Variants in EHMT1 observed in about 807,000 individuals in gnomAD.
EHMT1 encodes the protein euchromatic histone lysine methyltransferase 1.
Under a neutral mutation model 147.2 loss-of-function variants are expected in EHMT1, and 15 were observed. The ratio of observed to expected loss-of-function variants is 0.10; its 90% CI spans 0.07 to 0.16. The LOEUF is 0.16. EHMT1 is among the 10% of genes least tolerant of loss of function. EHMT1 has a pLI of 1.00. For synonymous variants in EHMT1, 795 were observed against 709.6 expected, an observed-to-expected ratio of 1.12 and a Z score of -1.91; for missense variants, 1,587 against 1,772.4, an observed-to-expected ratio of 0.90 and a Z score of 1.88.
intron 18 of EHMT1, among the ~76,000 whole-genome samples, chr9:137,805,227 G>A: frequency 6.6e-6 from 1 of 152,086 alleles, no homozygotes; most frequent in East Asian, 1.9e-4. Context: ...AGTCGTCCAT[G>A]TGTCAGTCCA....
chr9:137,683,678 T>C (rs1036945705), intron 1 of EHMT1, among the ~76,000 whole-genome samples: 5 of 152,256 alleles, frequency 3.3e-5, no homozygotes, highest in Non-Finnish European at 5.9e-5. Flanking sequence ...GTGTAAATTA[T>C]ACCTTTATCA....
chr9:137,665,185 A>G (rs1939497966), intron 1 of EHMT1, among the ~76,000 whole-genome samples: 1 of 152,238 alleles, frequency 6.6e-6, no homozygotes, highest in Admixed American at 6.5e-5. Context: ...ATTTTAAAAA[A>G]TATTCCCTAT....
rs1310202346 is a variant in EHMT1, at chr9:137,813,874, C to T, written c.3180+344C>T. 2.0e-5 allele frequency among the ~76,000 whole-genome samples: 3 copies of T among 152,170 alleles called. No individual in the cohort carries two copies. The highest frequency in any genetic ancestry group is 2.1e-4 in the South Asian group (1 of 4,828). On this transcript the variant is annotated intron_variant, in intron 21 of 26. Coordinates refer to ENST00000460843, the MANE Select transcript of EHMT1 (RefSeq NM_024757.5). The surrounding 1 kb of genome is among the most constrained non-coding windows in gnomAD (Gnocchi z 4.9). ...GCGAGAGGAGCCCTTGCGAGGCCTG[C>T]AGGACGACCTGGATCCCTGCACCTC...
At chr9:137,817,725 C>T (rs2132798798) in intron 24 of EHMT1, 200 bp downstream of exon 24, 6 of 687,772 alleles carry the variant, frequency 8.7e-6, no homozygotes, top group Non-Finnish European at 1.5e-5. Flanking sequence ...CGTAACCAGC[C>T]CAGGAGTGCA....
In EHMT1 at chr9:137,835,907, G is replaced by A. The variant is rs1196064484; in HGVS notation, c.*954G>A. On this transcript the variant is annotated 3_prime_UTR_variant, in exon 27 of 27. Coordinates refer to ENST00000460843, the MANE Select transcript of EHMT1 (RefSeq NM_024757.5). ...TCACCTTTTGTGTGGTGGCCTGGCA[G>A]GTCATATACTTTTTTTTGGCATATA... 1 of 152,540 alleles carries A rather than the reference G, an allele frequency of 6.6e-6. No individual in the cohort carries two copies. Among genetic ancestry groups the A allele is most frequent in the African/African-American group, 2.4e-5 (1 of 41,438 alleles). The allele number at this position is 152,540 out of a possible 1,614,324, so 9.4% of individuals were successfully genotyped here.
intron 16 of EHMT1, among the ~76,000 whole-genome samples, chr9:137,795,608 G>A (rs1952876129): frequency 6.6e-6 from 1 of 152,116 alleles, no homozygotes. Flanking sequence ...CAGTGGCCCC[G>A]GCTGGGAGTG....
intron 25 of EHMT1, among the ~76,000 whole-genome samples, chr9:137,818,494 C>T (rs921957571): frequency 2.6e-5 from 4 of 152,070 alleles, no homozygotes; most frequent in African/African-American, 9.7e-5. Flanking sequence ...CGCCGTGTAC[C>T]AAGACTGTAG....
At chr9:137,633,412 C>T (rs528218013) in intron 1 of EHMT1, among the ~76,000 whole-genome samples, 6 of 151,416 alleles carry the variant, frequency 4.0e-5, no homozygotes, top group Non-Finnish European at 5.9e-5. Context: ...TGTTAATGTT[C>T]CCCATCATAA....
intron 1 of EHMT1, among the ~76,000 whole-genome samples, chr9:137,633,275 C>G (rs1381711283): frequency 6.6e-6 from 1 of 151,944 alleles, no homozygotes; most frequent in African/African-American, 2.4e-5. Context: ...TCAAGGATAA[C>G]TCCACAAATT....
intron 10 of EHMT1, chr9:137,763,210 CA>C (rs1949972718): frequency 9.7e-6 from 4 of 411,136 alleles, no homozygotes; most frequent in Non-Finnish European, 1.8e-5. Flanking sequence ...GCAGGCCCCG[CA>C]AGGGCCGGGC....
In EHMT1 at chr9:137,759,896, G is replaced by T. The variant is rs368718805; in HGVS notation, c.1501+1885G>T. Among the ~76,000 whole-genome samples, 198 of 152,326 alleles carry T rather than the reference G, an allele frequency of 1.3e-3. 16 individuals are homozygous for T. The South Asian group carries it at 0.033, about 26-fold the overall frequency. ...ATCGGCCTGTGGAGTGTGCTGAGCG[G>T]GTCAGTGGGGGCAGGTGATGCCGCT... is the stretch of plus-strand genomic sequence containing the variant. On this transcript the variant is annotated intron_variant, in intron 9 of 26. Transcript: ENST00000460843.
chr9:137,809,505 C>T (rs921616017), intron 18 of EHMT1, among the ~76,000 whole-genome samples: 4 of 152,162 alleles, frequency 2.6e-5, no homozygotes, highest in Non-Finnish European at 5.9e-5. Context: ...TGCCTTGGGC[C>T]CCGAGCCTCC....
chr9:137,795,726 C>T (rs1952889002), intron 16 of EHMT1, among the ~76,000 whole-genome samples: 1 of 151,962 alleles, frequency 6.6e-6, no homozygotes, highest in Non-Finnish European at 1.5e-5. Flanking sequence ...AGGATAATAA[C>T]TACCCAAAGG....
intron 1 of EHMT1, among the ~76,000 whole-genome samples, chr9:137,638,797 C>CGGACA (rs1167578825): frequency 2.0e-5 from 3 of 151,932 alleles, no homozygotes. Flanking sequence ...AGACAGCATG[C>CGGACA]GGACACACAG....
intron 6 of EHMT1, among the ~76,000 whole-genome samples, chr9:137,748,200 C>T (rs1306441139): frequency 6.6e-6 from 1 of 152,076 alleles, no homozygotes; most frequent in Non-Finnish European, 1.5e-5. Flanking sequence ...CATGTGATGG[C>T]GGCTTTGCTG....
chr9:137,667,451 T>TCCC (rs1226053947), intron 1 of EHMT1: 3 of 152,198 alleles, frequency 2.0e-5, no homozygotes, highest in African/African-American at 7.2e-5. Context: ...CTCCTCCTCC[T>TCCC]CCCCGCTCTG....
chr9:137,754,176 G>A lies in EHMT1; in HGVS notation c.1254G>A (p.Ser418=), dbSNP rs751212985. 6.2e-6 allele frequency: 10 copies of A among 1,614,014 alleles called. No individual in the cohort carries two copies. The highest frequency in any genetic ancestry group is 2.2e-5 in the East Asian group (1 of 44,866). ...EEGGDESDLS[S]ESSIKKKFLK... The stretch of plus-strand genomic sequence containing the variant: ...CTGCCCGTTTGGTTCTCCAGAGTTC[G>A]GAATCCAGCATTAAGAAGAAATTTC... Residue 418 remains serine, a synonymous_variant, in exon 8 of 27, where the codon TCG becomes TCA. Transcript: ENST00000460843.
intron 18 of EHMT1, chr9:137,803,212 AT>A: frequency 8.5e-7 from 1 of 1,169,982 alleles, no homozygotes; most frequent in Non-Finnish European, 1.1e-6. Context: ...GAAACACTTC[AT>A]TAATTTAACC....
Position 137,817,647 on chromosome 9 carries a change from G to A in EHMT1, c.3461+122G>A, listed in dbSNP as rs1002910689. The A allele has an allele frequency of 1.1e-5, 14 of 1,288,668 alleles. No homozygotes were observed. The East Asian group carries it at 2.9e-4, about 27-fold the overall frequency. The allele number at this position is 1,288,668 out of a possible 1,614,324, so 79.8% of individuals were successfully genotyped here. ...CATCCCTGGCGTACAGCAGCGTGGG[G>A]TGGGGGCCACAGAGACCCTGGCCCC... On this transcript the variant is annotated intron_variant, in intron 24 of 26. Transcript: ENST00000460843.
Sources: allele counts gnomAD v4.1 joint callset (sites outside exome capture counted in the v4.1 genomes callset), GRCh38; gene constraint gnomAD v4.1.1; non-coding constraint Gnocchi (gnomAD v3.1); transcripts MANE v1.5; gene names NCBI Gene and HGNC (gene_info 2026-07-23, HGNC 2026-07-21).